The following EFL1 variants were observed in gnomAD, a reference collection of about 807,000 sequenced individuals.
The protein encoded by EFL1 is elongation factor like GTPase 1.
A neutral mutation model predicts 126.7 loss-of-function variants in EFL1; 76 were observed. The ratio of observed to expected loss-of-function variants is 0.60; its 90% confidence interval spans 0.50 to 0.73. The LOEUF (loss-of-function observed/expected upper bound fraction) is 0.73, where lower values mean the gene tolerates loss of function less well. Among genes scored for constraint, EFL1 ranks in the 30% least tolerant of loss-of-function variants. EFL1 has a pLI of 0.00. For missense variants in EFL1, 1,128 were observed against 1,343.2 expected, an observed-to-expected ratio of 0.84 and a Z score of 2.50; for synonymous variants, 410 against 448.4, an observed-to-expected ratio of 0.91 and a Z score of 1.08.
At chr15:82,261,588 C>A in intron 2 of EFL1, 100 bp downstream of exon 2, 1 of 1,147,166 alleles carries the variant, frequency 8.7e-7, no homozygotes, top group Non-Finnish European at 1.2e-6. Flanking sequence ...TGCTTCTTAG[C>A]AAACATCACT....
At chr15:82,168,421 G>A (rs2074100501) in intron 15 of EFL1, among the ~76,000 whole-genome samples, 1 of 152,178 alleles carries the variant, frequency 6.6e-6, no homozygotes, top group Non-Finnish European at 1.5e-5. Flanking sequence ...TGGTGTTATA[G>A]TAGGCCTTAG....
chr15:82,150,881 A>G (rs952531619), intron 18 of EFL1, among the ~76,000 whole-genome samples: 1 of 152,222 alleles, frequency 6.6e-6, no homozygotes, highest in African/African-American at 2.4e-5. Flanking sequence ...ACAGGTTTGG[A>G]TGGTAACACA....
intron 15 of EFL1, among the ~76,000 whole-genome samples, chr15:82,203,802 T>TA (rs1457763020): frequency 6.6e-6 from 1 of 152,262 alleles, no homozygotes; most frequent in Non-Finnish European, 1.5e-5. Flanking sequence ...ATGTATAATA[T>TA]TCCATTGTGC....
intron 7 of EFL1, among the ~76,000 whole-genome samples, chr15:82,234,032 G>C (rs552817019): frequency 6.6e-6 from 1 of 152,254 alleles, no homozygotes; most frequent in Non-Finnish European, 1.5e-5. Context: ...TTCATTTATT[G>C]GCTGATAGTA....
At chr15:82,259,047 A>G in intron 3 of EFL1, 41 bp downstream of exon 3, 1 of 1,551,672 alleles carries the variant, frequency 6.4e-7, no homozygotes, top group South Asian at 1.1e-5. Context: ...GTTGATAGCT[A>G]ATACTGAAAT....
chr15:82,134,297 T>C (rs1365174496), intron 19 of EFL1, among the ~76,000 whole-genome samples: 1 of 152,062 alleles, frequency 6.6e-6, no homozygotes, highest in Non-Finnish European at 1.5e-5. Flanking sequence ...TTTATGGTTG[T>C]CCAGCTTGTG....
intron 15 of EFL1, among the ~76,000 whole-genome samples, chr15:82,210,316 G>A (rs1208732160): frequency 6.6e-6 from 1 of 152,164 alleles, no homozygotes; most frequent in Non-Finnish European, 1.5e-5. Flanking sequence ...AACAGAATGT[G>A]GCAGAAGTGG....
chr15:82,218,309 GTT>G (rs930180670), intron 14 of EFL1, among the ~76,000 whole-genome samples: 2 of 151,472 alleles, frequency 1.3e-5, no homozygotes, highest in Non-Finnish European at 2.9e-5. Flanking sequence ...AATATTTCAG[GTT>G]TTTTTTTAAG....
In EFL1 at chr15:82,165,383, T is replaced by C. The variant is rs542769310; in HGVS notation, c.1751-1399A>G. ...CACTTTGCTGTCCTTAGTTGACCAA[T>C]TGATGTAAAGGTACAGGGTGATGGG... is the stretch of plus-strand genomic sequence containing the variant. On this transcript the variant is annotated intron_variant, in intron 15 of 19. Transcript: ENST00000268206. Among the ~76,000 whole-genome samples, 16 of 152,200 alleles carry C rather than the reference T, an allele frequency of 1.1e-4. No homozygotes were observed. The South Asian group carries it at 3.3e-3, about 32-fold the overall frequency.
chr15:82,225,332 G>A (rs2074752252), intron 11 of EFL1, 68 bp from the exon 12 acceptor site: 13 of 1,204,220 alleles, frequency 1.1e-5, no homozygotes, highest in East Asian at 2.6e-5. Context: ...AGATTTTTCT[G>A]GAAAACAATT....
intron 18 of EFL1, among the ~76,000 whole-genome samples, chr15:82,141,777 G>C (rs2073791500): frequency 6.6e-6 from 1 of 152,040 alleles, no homozygotes; most frequent in South Asian, 2.1e-4. Context: ...AAAGAATGAG[G>C]AAAGTGGGGC....
At chr15:82,135,251 A>C (rs941834548) in intron 19 of EFL1, among the ~76,000 whole-genome samples, 1 of 152,198 alleles carries the variant, frequency 6.6e-6, no homozygotes, top group African/African-American at 2.4e-5. Flanking sequence ...TAAGCCAGAA[A>C]GTAATATTTT....
chr15:82,201,698 C>CAAAAAA (rs57664245), intron 15 of EFL1, among the ~76,000 whole-genome samples: 1 of 98,684 alleles, frequency 1.0e-5, no homozygotes, highest in Admixed American at 1.1e-4. Flanking sequence ...TAACTTCTTG[C>CAAAAAA]AAAAAAAAAA....
chr15:82,213,413 A>G (rs1309306893), intron 15 of EFL1, among the ~76,000 whole-genome samples: 1 of 152,216 alleles, frequency 6.6e-6, no homozygotes, highest in Non-Finnish European at 1.5e-5. Flanking sequence ...TGGGAAGCAG[A>G]AGAGAGAGAA....
At chr15:82,218,836 A>G (rs2141301378) in intron 14 of EFL1, among the ~76,000 whole-genome samples, 1 of 152,316 alleles carries the variant, frequency 6.6e-6, no homozygotes, top group East Asian at 1.9e-4. Flanking sequence ...AAGGCAAAGA[A>G]AAACTGATGG....
intron 4 of EFL1, among the ~76,000 whole-genome samples, chr15:82,249,801 A>C (rs1407771916): frequency 6.6e-6 from 1 of 152,152 alleles, no homozygotes; most frequent in Non-Finnish European, 1.5e-5. Context: ...AAGAAAAATT[A>C]GGTTCCTGGA....
At position 82,247,501 on chromosome 15, in the gene EFL1, A is replaced by G. The variant is rs558873510; in HGVS notation, c.244+5190T>C. Among the ~76,000 whole-genome samples the G allele has an allele frequency of 6.8e-3, 1,042 of 152,194 alleles. 12 individuals are homozygous for G. Among genetic ancestry groups the G allele is most frequent in the Non-Finnish European group, 9.8e-3 (667 of 68,002 alleles). On this transcript the variant is annotated intron_variant, in intron 4 of 19. Coordinates refer to ENST00000268206, the MANE Select transcript of EFL1 (RefSeq NM_024580.6). ...AATTGGATGGTCTGAGTCTTGAAAG[A>G]AGAAGTTTGAAAACAAGGGTAGAAG...
At chr15:82,223,096 G>C (rs2074728465) in intron 12 of EFL1, among the ~76,000 whole-genome samples, 1 of 152,076 alleles carries the variant, frequency 6.6e-6, no homozygotes, top group Non-Finnish European at 1.5e-5. Flanking sequence ...CCTGTTTCCT[G>C]CCTTACTTTT....
At chr15:82,235,031 G>C (rs1248450174) in intron 7 of EFL1, among the ~76,000 whole-genome samples, 1 of 152,114 alleles carries the variant, frequency 6.6e-6, no homozygotes, top group Non-Finnish European at 1.5e-5. Context: ...AAATTCGGGA[G>C]AGGCAATAAG....
Sources: gnomAD v4.1 joint callset for allele counts (sites outside exome capture counted in the v4.1 genomes callset) on GRCh38, gnomAD v4.1.1 for gene constraint, MANE v1.5 for transcripts, NCBI Gene and HGNC (gene_info 2026-07-23, HGNC 2026-07-21) for gene names.